ATP9B: variants seen among roughly 807,000 people sequenced by gnomAD.
ATP9B encodes the protein ATPase phospholipid transporting 9B.
A neutral mutation model predicts 146.1 loss-of-function variants in ATP9B; 110 were observed. The observed-to-expected ratio is 0.75, with a 90% CI of 0.65 to 0.88. The LOEUF (loss-of-function observed/expected upper bound fraction) is 0.88. ATP9B is among the 40% of genes least tolerant of loss of function. ATP9B has a pLI of 0.00. For synonymous variants in ATP9B, 604 were observed against 569.7 expected, an observed-to-expected ratio of 1.06 and a Z score of -0.86; for missense variants, 1,499 against 1,496.4, an observed-to-expected ratio of 1.00 and a Z score of -0.03.
At chr18:79,369,527 C>T (rs1346117134) in intron 26 of ATP9B, among the ~76,000 whole-genome samples, 43 of 106,018 alleles carry the variant, frequency 4.1e-4, no homozygotes, top group Admixed American at 1.5e-3. Flanking sequence ...AGCAAGAGTC[C>T]GTCTCAAAAA....
intron 11 of ATP9B, among the ~76,000 whole-genome samples, chr18:79,230,097 C>T (rs549065248): frequency 1.3e-5 from 2 of 152,038 alleles, no homozygotes; most frequent in African/African-American, 2.4e-5. Flanking sequence ...AATTATTTTC[C>T]CCCTTAAAAT....
chr18:79,176,660 A>G (rs1348784774), intron 7 of ATP9B, among the ~76,000 whole-genome samples, 153 bp from the exon 8 acceptor site: 1 of 152,206 alleles, frequency 6.6e-6, no homozygotes, highest in Non-Finnish European at 1.5e-5. Context: ...GTGTAAAATA[A>G]AAGTTTTTAA....
intron 8 of ATP9B, among the ~76,000 whole-genome samples, chr18:79,190,271 T>C (rs921219535): frequency 2.6e-5 from 4 of 152,226 alleles, no homozygotes; most frequent in Non-Finnish European, 5.9e-5. Context: ...ATACATTTTA[T>C]GTTCTCATGT....
intron 11 of ATP9B, among the ~76,000 whole-genome samples, chr18:79,252,441 G>A (rs999730837): frequency 2.0e-5 from 3 of 152,008 alleles, no homozygotes; most frequent in Non-Finnish European, 4.4e-5. Context: ...CATTCCCCCA[G>A]CCCTACTCAC....
intron 15 of ATP9B, among the ~76,000 whole-genome samples, chr18:79,326,048 C>A (rs1248046657): frequency 9.2e-6 from 1 of 108,982 alleles, no homozygotes; most frequent in Non-Finnish European, 1.8e-5. Flanking sequence ...CCTCTGTACC[C>A]TCCCTCCCCT....
At chr18:79,150,620 C>G (rs999849523) in intron 6 of ATP9B, among the ~76,000 whole-genome samples, 2 of 152,088 alleles carry the variant, frequency 1.3e-5, no homozygotes, top group African/African-American at 4.8e-5. Context: ...TTGAAATTAT[C>G]TAGTTTGTTT....
chr18:79,323,765 G>T (rs573937251), intron 15 of ATP9B, among the ~76,000 whole-genome samples: 1 of 152,220 alleles, frequency 6.6e-6, no homozygotes, highest in Admixed American at 6.5e-5. Context: ...CGCAGTACAC[G>T]TAGGGGTGCC....
chr18:79,232,792 C>T (rs893082249), intron 11 of ATP9B, among the ~76,000 whole-genome samples: 2 of 152,110 alleles, frequency 1.3e-5, no homozygotes, highest in African/African-American at 4.8e-5. Flanking sequence ...CCCAAAGAAT[C>T]AAAAGGCAAT....
At position 79,179,559 on chromosome 18, in the gene ATP9B, A is replaced by T. The variant is rs141673605; in HGVS notation, c.873+2652A>T. Reference sequence around the variant, plus strand: ...TTCATGATTCTTCTTTTCATCCTTGATTATTTGGAAATACACTGTTATTTG... The same window carrying T: ...TTCATGATTCTTCTTTTCATCCTTGTTTATTTGGAAATACACTGTTATTTG... On this transcript the variant is annotated intron_variant, in intron 8 of 29. Coordinates refer to ENST00000426216, the MANE Select transcript of ATP9B (RefSeq NM_198531.5). Among the ~76,000 whole-genome samples, 324 of 152,242 alleles carry T rather than the reference A, an allele frequency of 2.1e-3. 3 individuals carry two copies. Among genetic ancestry groups the T allele is most frequent in the African/African-American group, 7.6e-3 (316 of 41,564 alleles).
intron 26 of ATP9B, chr18:79,363,778 G>A (rs2097007251): frequency 6.6e-6 from 1 of 152,104 alleles, no homozygotes; most frequent in Non-Finnish European, 1.5e-5. Context: ...GGATTGGGAG[G>A]CGTAAACAGA....
At chr18:79,137,877 A>G (rs1386146766) in intron 5 of ATP9B, among the ~76,000 whole-genome samples, 1 of 152,198 alleles carries the variant, frequency 6.6e-6, no homozygotes, top group Non-Finnish European at 1.5e-5. Context: ...CACCTGCTAC[A>G]TTCCAGCATG....
At chr18:79,312,142 G>A (rs187790665) in intron 15 of ATP9B, among the ~76,000 whole-genome samples, 192 of 152,304 alleles carry the variant, frequency 1.3e-3, no homozygotes, top group African/African-American at 3.5e-3. Flanking sequence ...TCGCGGAGGT[G>A]CTGGTCTTGG....
At chr18:79,089,719 G>A (rs2074156890) in intron 1 of ATP9B, among the ~76,000 whole-genome samples, 1 of 152,142 alleles carries the variant, frequency 6.6e-6, no homozygotes, top group East Asian at 1.9e-4. Flanking sequence ...GATGGAATCG[G>A]GTAATTGGGA....
At chr18:79,139,262 A>G (rs1224910260) in intron 5 of ATP9B, among the ~76,000 whole-genome samples, 1 of 152,190 alleles carries the variant, frequency 6.6e-6, no homozygotes, top group Non-Finnish European at 1.5e-5. Flanking sequence ...AAAATGGGTT[A>G]ATTTTTTATA....
intron 11 of ATP9B, among the ~76,000 whole-genome samples, chr18:79,227,681 C>T (rs139966446): frequency 3.6e-4 from 55 of 152,358 alleles, no homozygotes; most frequent in African/African-American, 1.3e-3. Context: ...CTCTTTACAT[C>T]CCTCAGCATC....
Position 79,113,274 on chromosome 18 carries a change from C to T in ATP9B, c.478C>T (p.Leu160Phe), listed in dbSNP as rs1489907836. 1.3e-6 allele frequency: 2 copies of T among 1,598,432 alleles called. No homozygotes were observed. The highest frequency in any genetic ancestry group is 2.2e-5 in the South Asian group (2 of 89,320). ...LYEQFKFFLN[L>F]YFLVISCSQF... is the part of the protein sequence containing the mutation. Reference sequence around the variant, plus strand: ...TGAACAATTCAAGTTTTTCTTGAATCTCTATTTTCTAGTAATATCCTGCTC... The same window carrying T: ...TGAACAATTCAAGTTTTTCTTGAATTTCTATTTTCTAGTAATATCCTGCTC... Residue 160 changes from leucine (L) to phenylalanine (F), a missense_variant, in exon 4 of 30, where the codon CTC becomes TTC. Transcript: ENST00000426216.
intron 19 of ATP9B, among the ~76,000 whole-genome samples, chr18:79,339,287 CGT>C (rs2096844401): frequency 6.7e-6 from 1 of 149,598 alleles, no homozygotes; most frequent in Non-Finnish European, 1.5e-5. Context: ...GTGTCATGAT[CGT>C]AGTAGGAAGT....
chr18:79,124,378 AGT>A (rs1335554936), intron 4 of ATP9B, among the ~76,000 whole-genome samples: 1 of 152,262 alleles, frequency 6.6e-6, no homozygotes, highest in African/African-American at 2.4e-5. Context: ...AAAAGAATAC[AGT>A]GTGTGCTAAA....
chr18:79,205,919 A>G (rs2095529262), intron 9 of ATP9B, among the ~76,000 whole-genome samples: 1 of 151,620 alleles, frequency 6.6e-6, no homozygotes, highest in Non-Finnish European at 1.5e-5. Context: ...GTTTAAGAAT[A>G]TTTCGTGTAA....
Sources: allele counts gnomAD v4.1 joint callset (sites outside exome capture counted in the v4.1 genomes callset), GRCh38; gene constraint gnomAD v4.1.1; transcripts MANE v1.5; gene names NCBI Gene and HGNC (gene_info 2026-07-23, HGNC 2026-07-21).